Variants in ZMYND11 observed in about 807,000 individuals in gnomAD.
ZMYND11 encodes the protein zinc finger MYND-type containing 11, also known as zinc finger MYND domain-containing protein 11.
ZMYND11 carries 9 observed loss-of-function variants against 84.9 expected under a neutral mutation model. The ratio of observed to expected loss-of-function variants is 0.11; its 90% CI spans 0.06 to 0.18. The LOEUF (loss-of-function observed/expected upper bound fraction) is 0.18. ZMYND11 is among the 10% of genes least tolerant of loss of function. The pLI, the probability that ZMYND11 is intolerant of heterozygous loss-of-function variation, is 1.00. For synonymous variants in ZMYND11, 250 were observed against 244.1 expected, an observed-to-expected ratio of 1.02 and a Z score of -0.23; for missense variants, 409 against 761.0, an observed-to-expected ratio of 0.54 and a Z score of 5.44.
At chr10:237,838 G>A (rs147715746) in intron 6 of ZMYND11, among the ~76,000 whole-genome samples, 161 bp downstream of exon 6, 1 of 152,264 alleles carries the variant, frequency 6.6e-6, no homozygotes, top group East Asian at 1.9e-4. Flanking sequence ...ACCAAATGAA[G>A]CATTATTAAT....
In ZMYND11 at chr10:158,813, A is replaced by AAGC. The variant is rs1842284765; in HGVS notation, c.-19-21179_-19-21177dup. 2.0e-5 allele frequency among the ~76,000 whole-genome samples: 3 copies of AAGC among 151,936 alleles called. No individual in the cohort carries two copies. The South Asian group carries it at 6.2e-4, about 32-fold the overall frequency. Reference sequence around the variant, plus strand: ...TTGCATTTCTGTAATGACTAATGTTAAGCATCTTTTTATGTACTTACTGGC... The same window carrying AAGC: ...TTGCATTTCTGTAATGACTAATGTTAAGCAGCATCTTTTTATGTACTTACTGGC... On this transcript the variant is annotated intron_variant, in intron 1 of 14. Transcript: ENST00000381604.
At chr10:237,992 G>T (rs1950257124) in intron 6 of ZMYND11, among the ~76,000 whole-genome samples, 1 of 152,118 alleles carries the variant, frequency 6.6e-6, no homozygotes, top group Non-Finnish European at 1.5e-5. Flanking sequence ...CATTTCAGAT[G>T]TAAAGAATGT....
At chr10:239,586 A>G (rs1201747878) in intron 7 of ZMYND11, 61 bp downstream of exon 7, 4 of 1,133,416 alleles carry the variant, frequency 3.5e-6, no homozygotes, top group Non-Finnish European at 5.3e-6. Flanking sequence ...TTCCATGTTG[A>G]ACACTATCTT....
At chr10:132,348 C>T (rs921826049), upstream of ZMYND11, among the ~76,000 whole-genome samples, 10 of 150,926 alleles carry the variant, frequency 6.6e-5, no homozygotes, top group South Asian at 8.4e-4. Flanking sequence ...CTTTGCAGTA[C>T]GAACTAACCT....
intron 4 of ZMYND11, among the ~76,000 whole-genome samples, chr10:232,195 G>A (rs148658663): frequency 3.9e-5 from 6 of 152,186 alleles, no homozygotes; most frequent in African/African-American, 1.4e-4. Flanking sequence ...TTTTTCTCAA[G>A]TCATTGAAAA....
intron 2 of ZMYND11, among the ~76,000 whole-genome samples, chr10:199,319 C>T (rs1942561464): frequency 6.7e-6 from 1 of 148,562 alleles, no homozygotes; most frequent in African/African-American, 2.5e-5. Context: ...TCCTCCCTCC[C>T]TCCCTCCCTC....
chr10:143,772 T>C (rs1245400946), intron 1 of ZMYND11, among the ~76,000 whole-genome samples: 1 of 152,234 alleles, frequency 6.6e-6, no homozygotes, highest in African/African-American at 2.4e-5. Flanking sequence ...TGCACGTATA[T>C]GTTCTACAGT....
rs376931420 is a variant in ZMYND11, at chr10:158,984, G to GTTTTTTTTTTTTTTTTTTTTTTTT, written c.-19-21004_-19-21003insTTTTTTTTTTTTTTTTTTTTTTTT. 1.7e-4 allele frequency among the ~76,000 whole-genome samples: 7 copies of GTTTTTTTTTTTTTTTTTTTTTTTT among 40,024 alleles called. 3 individuals are homozygous for GTTTTTTTTTTTTTTTTTTTTTTTT. Among genetic ancestry groups the GTTTTTTTTTTTTTTTTTTTTTTTT allele is most frequent in the Non-Finnish European group, 2.6e-4 (5 of 19,344 alleles). 26.3% of individuals were successfully genotyped at this position (40,024 alleles called of 152,430 possible). A position where few individuals can be genotyped will look rare whatever the true frequency, so the allele number is the denominator to read the frequency against. ...AGATATATGATTTGCAGGGTTTTTT[G>GTTTTTTTTTTTTTTTTTTTTTTTT]TTTTTTGTTTTTTTTTTTTTTTTTA... On this transcript the variant is annotated intron_variant, in intron 1 of 14. Coordinates refer to ENST00000381604, the MANE Select transcript of ZMYND11 (RefSeq NM_001370100.5).
intron 2 of ZMYND11, among the ~76,000 whole-genome samples, chr10:187,620 C>T (rs1466139548): frequency 3.1e-4 from 37 of 120,746 alleles, no homozygotes; most frequent in African/African-American, 1.1e-3. Flanking sequence ...GGCTAAACAG[C>T]GGGACTCCGT....
chr10:244,734 A>G (rs965322887), intron 10 of ZMYND11: 1 of 152,242 alleles, frequency 6.6e-6, no homozygotes, highest in Non-Finnish European at 1.5e-5. Context: ...TATTAGACTT[A>G]CCTTAAATTG....
At chr10:130,166 C>T (rs1554749784), upstream of ZMYND11, among the ~76,000 whole-genome samples, 1 of 152,066 alleles carries the variant, frequency 6.6e-6, no homozygotes, top group Non-Finnish European at 1.5e-5. Context: ...AAACAAAAAA[C>T]CTAAGAGAGT....
At chr10:200,868 A>G (rs1290112091) in intron 2 of ZMYND11, among the ~76,000 whole-genome samples, 2 of 152,148 alleles carry the variant, frequency 1.3e-5, no homozygotes, top group African/African-American at 2.4e-5. Context: ...TTTGTCATAA[A>G]TGTTTTTCCA....
rs1554788985 is a variant in ZMYND11, at chr10:239,539, G to GTGT, written c.697+15_697+16insGTT. 0.33 allele frequency: 488,393 copies of GTGT among 1,464,472 alleles called. 78,552 individuals carry two copies. The highest frequency in any genetic ancestry group is 0.37 in the Non-Finnish European group (393,657 of 1,071,378). The allele number at this position is 1,464,472 out of a possible 1,614,324, so 90.7% of individuals were successfully genotyped here. On this transcript the variant is annotated intron_variant, in intron 7 of 14. Coordinates refer to ENST00000381604, the MANE Select transcript of ZMYND11 (RefSeq NM_001370100.5). ...TTTTCTATGGAGGTTGAATATTTTT[G>GTGT]TTTTTTTTGTATGCATTTTTAAACA...
chr10:236,625 T>A (rs914055993), intron 4 of ZMYND11, among the ~76,000 whole-genome samples: 1 of 152,202 alleles, frequency 6.6e-6, no homozygotes, highest in African/African-American at 2.4e-5. Flanking sequence ...TTATATCAGG[T>A]ACAACATAAT....
intron 1 of ZMYND11, among the ~76,000 whole-genome samples, chr10:145,007 T>G (rs1008429808): frequency 2.0e-5 from 3 of 151,200 alleles, no homozygotes; most frequent in Non-Finnish European, 4.4e-5. Flanking sequence ...TTCTCACAAG[T>G]GAGAACATGC....
At chr10:179,947 A>G (rs924118944) in intron 1 of ZMYND11, 47 bp from the exon 2 acceptor site, 308 of 1,179,616 alleles carry the variant, frequency 2.6e-4, no homozygotes, top group Non-Finnish European at 3.1e-4. Flanking sequence ...CTGATAATTC[A>G]TTTTGTAATC....
chr10:226,495 T>A (rs1190390042), intron 4 of ZMYND11, among the ~76,000 whole-genome samples: 2 of 152,220 alleles, frequency 1.3e-5, no homozygotes, highest in Non-Finnish European at 2.9e-5. Flanking sequence ...CATAAATGAA[T>A]TTTGATTTCA....
At chr10:153,501 G>A (rs987548863) in intron 1 of ZMYND11, among the ~76,000 whole-genome samples, 2 of 152,154 alleles carry the variant, frequency 1.3e-5, no homozygotes, top group Admixed American at 6.5e-5. Flanking sequence ...GAAATATAAC[G>A]AAGAGTTTCC....
At chr10:190,665 C>G (rs1940135579) in intron 2 of ZMYND11, among the ~76,000 whole-genome samples, 1 of 152,120 alleles carries the variant, frequency 6.6e-6, no homozygotes, top group South Asian at 2.1e-4. Context: ...ACAGTGAGAC[C>G]CTGACGTTTC....
Sources: allele counts gnomAD v4.1 joint callset (sites outside exome capture counted in the v4.1 genomes callset), GRCh38; gene constraint gnomAD v4.1.1; transcripts MANE v1.5; gene names NCBI Gene and HGNC (gene_info 2026-07-23, HGNC 2026-07-21).